Variants in RASA1 observed in about 807,000 individuals in gnomAD.
RASA1 encodes the protein RAS p21 protein activator 1, also known as ras GTPase-activating protein 1.
Under a neutral mutation model 132.2 loss-of-function variants are expected in RASA1, and 25 were observed. That is an observed-to-expected ratio of 0.19 (90% confidence interval 0.14 to 0.26). The LOEUF is 0.26. Among genes scored for constraint, RASA1 ranks in the 10% least tolerant of loss-of-function variants. RASA1 has a pLI of 1.00. For synonymous variants in RASA1, 477 were observed against 449.9 expected (o/e 1.06, Z -0.76); for missense variants, 964 against 1,299.2 (o/e 0.74, Z 3.97).
chr5:87,317,648 T>C (rs1184197271), intron 1 of RASA1, among the ~76,000 whole-genome samples: 1 of 150,946 alleles, frequency 6.6e-6, no homozygotes, highest in Non-Finnish European at 1.5e-5. Context: ...TTTTTTTTTT[T>C]CTTTTGAGAC....
Position 87,378,443 on chromosome 5 carries a change from A to T in RASA1, c.2392A>T (p.Met798Leu). 6.2e-7 allele frequency: 1 copy of T among 1,612,644 alleles called. No individual in the cohort carries two copies. Among genetic ancestry groups the T allele is most frequent in the Non-Finnish European group, 8.5e-7 (1 of 1,178,738 alleles). ...FRATTLASTL[M>L]EQYMKATATQ... ...AGCCACAACACTTGCAAGCACCTTG[A>T]TGGAGCAGTATATGAAAGCCACTGC... The change falls in exon 18 of 25, where the codon ATG becomes TTG. Residue 798 changes from methionine (M) to leucine (L), a missense_variant. Coordinates refer to ENST00000274376, the MANE Select transcript of RASA1 (RefSeq NM_002890.3).
intron 6 of RASA1, among the ~76,000 whole-genome samples, chr5:87,344,718 T>C (rs530394254): frequency 6.7e-6 from 1 of 148,316 alleles, no homozygotes; most frequent in African/African-American, 2.5e-5. Flanking sequence ...GAGGTCTTAC[T>C]ATGCTGCCCA....
chr5:87,334,854 A>G (rs1050173188), intron 4 of RASA1, among the ~76,000 whole-genome samples: 3 of 152,164 alleles, frequency 2.0e-5, no homozygotes, highest in African/African-American at 7.2e-5. Flanking sequence ...TGTCATGAGG[A>G]AAAGCAGTGA....
chr5:87,335,591 A>G (rs1757916621), intron 4 of RASA1, among the ~76,000 whole-genome samples: 1 of 151,246 alleles, frequency 6.6e-6, no homozygotes, highest in African/African-American at 2.4e-5. Flanking sequence ...ACACCTGGCT[A>G]ATTTTGATAT....
At chr5:87,290,017 T>TG (rs2112265977) in intron 1 of RASA1, among the ~76,000 whole-genome samples, 1 of 152,338 alleles carries the variant, frequency 6.6e-6, no homozygotes, top group South Asian at 2.1e-4. Context: ...CAACTCTTAA[T>TG]AGTTGACTCA....
chr5:87,280,891 G>A (rs527830034), intron 1 of RASA1, among the ~76,000 whole-genome samples: 1 of 147,384 alleles, frequency 6.8e-6, no homozygotes, highest in Non-Finnish European at 1.5e-5. Flanking sequence ...CGAGTAGCTG[G>A]ACTACCGGCG....
chr5:87,268,526 G>C lies in RASA1; in HGVS notation c.75G>C (p.Ala25=), dbSNP rs529924262. ...TAGAGGGGAA[A]GSSAYPAVCR... is the part of the protein sequence containing the mutation. ...GAGCTGGAGGAGGCGGCGCGGCAGC[G>C]GGCTCCAGTGCCTATCCCGCAGTGT... Residue 25 remains alanine, a synonymous_variant, in exon 1 of 25, where the codon GCG becomes GCC. Coordinates refer to ENST00000274376, the MANE Select transcript of RASA1 (RefSeq NM_002890.3). 8.2e-6 allele frequency: 13 copies of C among 1,587,642 alleles called. No individual in the cohort carries two copies. Among genetic ancestry groups the C allele is most frequent in the Non-Finnish European group, 1.1e-5 (13 of 1,168,660 alleles).
Position 87,385,346 on chromosome 5 carries a change from A to C in RASA1, c.2804A>C (p.Lys935Thr). Residue 935 changes from lysine to threonine, a missense_variant, in exon 22 of 25, where the codon AAA (lysine) becomes ACA (threonine). By Grantham distance (78) the Lys-to-Thr change is moderately conservative. Transcript: ENST00000274376. ...IAARTLILVA[K>T]SVQNLANLVE... ...GCAAGAACACTGATATTAGTGGCTA[A>C]ATCTGTGCAGAACTTAGCAAATCTT... 6.2e-7 allele frequency: 1 copy of C among 1,611,742 alleles called. No homozygotes were observed. The highest frequency in any genetic ancestry group is 8.5e-7 in the Non-Finnish European group (1 of 1,178,090).
chr5:87,318,888 AC>A (rs1456270481), intron 1 of RASA1: 1 of 152,216 alleles, frequency 6.6e-6, no homozygotes, highest in African/African-American at 2.4e-5. Context: ...AGTCCATTCC[AC>A]CTATGAGCCT....
At chr5:87,358,246 A>T (rs1219308624) in intron 9 of RASA1, among the ~76,000 whole-genome samples, 2 of 152,184 alleles carry the variant, frequency 1.3e-5, no homozygotes, top group Admixed American at 1.3e-4. Flanking sequence ...TTAGACAAAA[A>T]GGGTCCTTTT....
intron 1 of RASA1, among the ~76,000 whole-genome samples, chr5:87,278,835 ATC>A (rs1270655910): frequency 2.0e-5 from 3 of 151,288 alleles, no homozygotes; most frequent in Non-Finnish European, 4.4e-5. Flanking sequence ...CACCACTAGA[ATC>A]TCTCATGCTG....
At chr5:87,362,779 A>G (rs1760213022) in intron 10 of RASA1, 108 bp downstream of exon 10, 2 of 1,294,652 alleles carry the variant, frequency 1.5e-6, no homozygotes, top group Non-Finnish European at 2.2e-6. Context: ...AGTTATTAGT[A>G]ATTGACACTT....
At chr5:87,309,386 A>G (rs1755765146) in intron 1 of RASA1, among the ~76,000 whole-genome samples, 1 of 152,120 alleles carries the variant, frequency 6.6e-6, no homozygotes, top group South Asian at 2.1e-4. Context: ...TTGCCATTTT[A>G]AATAGGGTAG....
At chr5:87,327,647 A>G (rs1294128119) in intron 1 of RASA1, among the ~76,000 whole-genome samples, 7 of 152,100 alleles carry the variant, frequency 4.6e-5, no homozygotes, top group Non-Finnish European at 8.8e-5. Context: ...GTCAGCCTAA[A>G]CTGTTTTCAC....
intron 20 of RASA1, 88 bp downstream of exon 20, chr5:87,380,683 C>T: frequency 1.6e-6 from 2 of 1,226,846 alleles, no homozygotes; most frequent in East Asian, 2.4e-5. Context: ...CAATTCAATG[C>T]TTTTTTCTTT....
At chr5:87,312,291 TAAGG>T (rs745974939) in intron 1 of RASA1, among the ~76,000 whole-genome samples, 1 of 152,224 alleles carries the variant, frequency 6.6e-6, no homozygotes, top group African/African-American at 2.4e-5. Context: ...CAGAAACAGA[TAAGG>T]AAATCTGTCT....
At chr5:87,286,215 C>T (rs1009396937) in intron 1 of RASA1, among the ~76,000 whole-genome samples, 9 of 152,074 alleles carry the variant, frequency 5.9e-5, no homozygotes, top group Non-Finnish European at 1.3e-4. Context: ...GTTGGCAAGG[C>T]TGGTCTCGAA....
intron 9 of RASA1, among the ~76,000 whole-genome samples, chr5:87,353,532 AC>A (rs1019361511): frequency 6.6e-6 from 1 of 152,058 alleles, no homozygotes; most frequent in African/African-American, 2.4e-5. Context: ...GCAGGGATAA[AC>A]CACAGCCAGG....
intron 1 of RASA1, among the ~76,000 whole-genome samples, chr5:87,282,260 A>G (rs529723989): frequency 6.6e-6 from 1 of 152,214 alleles, no homozygotes; most frequent in East Asian, 1.9e-4. Context: ...TCTGCTAGTA[A>G]CAATTTATTC....
Sources: gnomAD v4.1 joint callset for allele counts (sites outside exome capture counted in the v4.1 genomes callset) on GRCh38, gnomAD v4.1.1 for gene constraint, MANE v1.5 for transcripts, NCBI Gene and HGNC (gene_info 2026-07-23, HGNC 2026-07-21) for gene names.